CNTN4: variants seen among roughly 807,000 people sequenced by gnomAD.
The protein encoded by CNTN4 is contactin-4.
In CNTN4, 77 loss-of-function variants were observed where a neutral mutation model predicts 122.5. The ratio of observed to expected loss-of-function variants is 0.63; its 90% CI spans 0.52 to 0.76. CNTN4 has a LOEUF of 0.76. CNTN4 is among the 30% of genes least tolerant of loss of function. The pLI is 0.00. For missense variants in CNTN4, 1,256 were observed against 1,259.1 expected (o/e 1.00, Z 0.04); for synonymous variants, 512 against 447.0 (o/e 1.15, Z -1.83).
chr3:2,484,863 G>A (rs371058723), intron 3 of CNTN4, among the ~76,000 whole-genome samples: 6 of 152,310 alleles, frequency 3.9e-5, no homozygotes, highest in African/African-American at 1.4e-4. Flanking sequence ...GCCCCTCTCT[G>A]GGCTGGCCGA....
intron 2 of CNTN4, among the ~76,000 whole-genome samples, chr3:2,167,548 C>A (rs1406881507): frequency 1.3e-5 from 2 of 152,034 alleles, no homozygotes; most frequent in African/African-American, 4.8e-5. Context: ...TATTACCAGA[C>A]TGGGAAATTT....
intron 2 of CNTN4, among the ~76,000 whole-genome samples, chr3:2,286,036 A>G (rs1454217900): frequency 1.3e-5 from 2 of 152,106 alleles, no homozygotes; most frequent in South Asian, 2.1e-4. Context: ...AGAAAGTTGT[A>G]TCAATTTATA....
At chr3:2,784,112 A>G (rs1237769033) in intron 6 of CNTN4, among the ~76,000 whole-genome samples, 1 of 152,210 alleles carries the variant, frequency 6.6e-6, no homozygotes, top group Non-Finnish European at 1.5e-5. Context: ...ATAGACATTT[A>G]GAAAATTGGG....
intron 3 of CNTN4, among the ~76,000 whole-genome samples, chr3:2,361,202 T>G (rs1204096304): frequency 1.3e-5 from 2 of 152,162 alleles, no homozygotes; most frequent in Non-Finnish European, 2.9e-5. Context: ...AGAACATAAG[T>G]TAACGTGTGT....
intron 3 of CNTN4, among the ~76,000 whole-genome samples, chr3:2,350,253 T>C (rs1409936520): frequency 6.6e-6 from 1 of 152,188 alleles, no homozygotes; most frequent in Admixed American, 6.5e-5. Context: ...ATTAACCATG[T>C]TGGTAATGAC....
chr3:3,026,063 TTTG>T, intron 14 of CNTN4, 36 bp from the exon 15 acceptor site: 2 of 1,575,196 alleles, frequency 1.3e-6, no homozygotes, highest in Non-Finnish European at 1.7e-6. Flanking sequence ...GCTCACAGAC[TTTG>T]TTGTTGTTAT....
intron 2 of CNTN4, among the ~76,000 whole-genome samples, chr3:2,211,847 C>T (rs567869563): frequency 1.3e-5 from 2 of 152,212 alleles, no homozygotes; most frequent in East Asian, 3.9e-4. Flanking sequence ...AGGCTAAGGC[C>T]AACTCTCTGA....
chr3:2,922,207 A>G (rs1331224799), intron 12 of CNTN4, among the ~76,000 whole-genome samples: 1 of 152,212 alleles, frequency 6.6e-6, no homozygotes, highest in Non-Finnish European at 1.5e-5. Context: ...CATGTGCACT[A>G]ATTTTTTAAG....
chr3:2,858,389 T>G (rs1398226093), intron 7 of CNTN4, among the ~76,000 whole-genome samples: 1 of 152,204 alleles, frequency 6.6e-6, no homozygotes, highest in Non-Finnish European at 1.5e-5. Flanking sequence ...CTCAGACTGC[T>G]TTTGAGGACT....
chr3:3,001,603 T>A (rs1696055228), intron 14 of CNTN4, among the ~76,000 whole-genome samples: 1 of 152,226 alleles, frequency 6.6e-6, no homozygotes, highest in Non-Finnish European at 1.5e-5. Flanking sequence ...ACCCCAGACC[T>A]AATTATTCCG....
At chr3:2,255,684 G>A (rs1254393728) in intron 2 of CNTN4, among the ~76,000 whole-genome samples, 1 of 152,186 alleles carries the variant, frequency 6.6e-6, no homozygotes, top group Non-Finnish European at 1.5e-5. Context: ...GCTGCTGAAT[G>A]ACTACTGGGT....
Position 2,841,113 on chromosome 3 carries a change from G to C in CNTN4, c.454+21532G>C, listed in dbSNP as rs1321450164. Among the ~76,000 whole-genome samples, 1 of 152,186 alleles carries C rather than the reference G, an allele frequency of 6.6e-6. No homozygotes were observed. The highest frequency in any genetic ancestry group is 1.5e-5 in the Non-Finnish European group (1 of 68,034). On this transcript the variant is annotated intron_variant, in intron 7 of 24. Transcript: ENST00000418658. This position sits in a 1 kb window ranked among gnomAD's most constrained non-coding sequence, Gnocchi z 4.8. ...TGATACCAATCTCATCATTGGACTAGATTTCTCAGTGAAGATAATCTGAGG... is the reference window on the plus strand; with the variant it reads ...TGATACCAATCTCATCATTGGACTACATTTCTCAGTGAAGATAATCTGAGG...
intron 5 of CNTN4, 81 bp from the exon 6 acceptor site, chr3:2,745,441 A>T: frequency 8.7e-7 from 1 of 1,148,312 alleles, no homozygotes; most frequent in Non-Finnish European, 1.3e-6. Flanking sequence ...CATGCTATTT[A>T]TAGTTTTTAT....
rs764329799 is a variant in CNTN4 at position 2,202,123 on chromosome 3, AC to A, written c.-145+101489del. Among the ~76,000 whole-genome samples, 10 of 152,098 alleles carry A rather than the reference AC, an allele frequency of 6.6e-5. 1 individual carries two copies. In the East Asian group the frequency reaches 1.7e-3, roughly 26 times the overall value. On this transcript the variant is annotated intron_variant, in intron 2 of 24. Transcript: ENST00000418658. ...TTTTGCTTTTTGAAGGAATTATGACACCCCCTCCCCACCACCAAAGAATTGC... is the reference window on the plus strand; with the variant it reads ...TTTTGCTTTTTGAAGGAATTATGACACCCCTCCCCACCACCAAAGAATTGC...
intron 3 of CNTN4, among the ~76,000 whole-genome samples, chr3:2,493,271 C>G (rs141682674): frequency 6.6e-6 from 1 of 152,126 alleles, no homozygotes; most frequent in East Asian, 1.9e-4. Context: ...CTCAATGGGA[C>G]TACCCTAATA....
chr3:2,363,280 A>C (rs1575464874), intron 3 of CNTN4, among the ~76,000 whole-genome samples: 1 of 152,218 alleles, frequency 6.6e-6, no homozygotes, highest in Non-Finnish European at 1.5e-5. Context: ...TTGGTTGTTT[A>C]CCAAGTGCTA....
chr3:2,317,894 T>C (rs954731094), intron 2 of CNTN4, among the ~76,000 whole-genome samples: 2 of 152,200 alleles, frequency 1.3e-5, no homozygotes, highest in African/African-American at 4.8e-5. Context: ...ATCTTACTTT[T>C]GCATCAACGA....
intron 11 of CNTN4, among the ~76,000 whole-genome samples, chr3:2,901,791 G>A (rs2094176750): frequency 6.6e-6 from 1 of 152,182 alleles, no homozygotes; most frequent in Non-Finnish European, 1.5e-5. Context: ...GGGAGTTTAT[G>A]TAGCTGGGGA....
At chr3:3,026,005 C>G in intron 14 of CNTN4, 97 bp from the exon 15 acceptor site, 2 of 1,190,878 alleles carry the variant, frequency 1.7e-6, no homozygotes, top group East Asian at 2.5e-5. Flanking sequence ...AGCAAAATTA[C>G]TTAGTATTTC....
Sources: gnomAD v4.1 joint callset for allele counts (sites outside exome capture counted in the v4.1 genomes callset) on GRCh38, gnomAD v4.1.1 for gene constraint, Gnocchi (gnomAD v3.1) non-coding constraint, MANE v1.5 for transcripts, NCBI Gene and HGNC (gene_info 2026-07-23, HGNC 2026-07-21) for gene names.